Variants in LAMA1 observed in about 807,000 individuals in gnomAD.
LAMA1 encodes the protein laminin subunit alpha 1.
LAMA1 carries 219 observed loss-of-function variants against 348.7 expected under a neutral mutation model. The ratio of observed to expected loss-of-function variants is 0.63; its 90% CI spans 0.56 to 0.70. LAMA1 has a LOEUF of 0.70. Ranked by LOEUF, LAMA1 falls within the 30% of genes least tolerant of loss-of-function variation. The pLI is 0.00. For missense variants in LAMA1, 3,744 were observed against 3,888.0 expected (o/e 0.96, Z 0.99); for synonymous variants, 1,487 against 1,491.0 (o/e 1.00, Z 0.06).
intron 49 of LAMA1, 87 bp from the exon 50 acceptor site, chr18:6,965,519 TA>T (rs1333143706): frequency 6.7e-7 from 1 of 1,492,518 alleles, no homozygotes; most frequent in Non-Finnish European, 9.3e-7. Flanking sequence ...TGAAACCTTC[TA>T]AAGTCAAACT....
At chr18:7,091,566 TC>T in intron 1 of LAMA1, among the ~76,000 whole-genome samples, 1 of 152,336 alleles carries the variant, frequency 6.6e-6, no homozygotes, top group East Asian at 1.9e-4. Flanking sequence ...TTCTGCCACT[TC>T]TGCACTTGAT....
At position 7,038,415 on chromosome 18, in the gene LAMA1, G is replaced by A. The variant is rs1043301333; in HGVS notation, c.1563+395C>T. On this transcript the variant is annotated intron_variant, in intron 11 of 62. Coordinates refer to ENST00000389658, the MANE Select transcript of LAMA1 (RefSeq NM_005559.4). Reference sequence around the variant, plus strand: ...GCCGCTGTTCCCACCCTCGCCACTGGAGGGCCTCCTACTCCTTAGCGTCTT... The same window carrying A: ...GCCGCTGTTCCCACCCTCGCCACTGAAGGGCCTCCTACTCCTTAGCGTCTT... 3.9e-5 allele frequency among the ~76,000 whole-genome samples: 6 copies of A among 152,164 alleles called. No homozygotes were observed. The East Asian group carries it at 1.2e-3, about 30-fold the overall frequency.
intron 54 of LAMA1, among the ~76,000 whole-genome samples, chr18:6,959,126 G>A (rs1446745765): frequency 6.6e-6 from 1 of 152,182 alleles, no homozygotes; most frequent in African/African-American, 2.4e-5. Context: ...AAAGGGCAGA[G>A]CTAAAGTTGT....
chr18:6,953,532 C>G (rs1344335523), intron 57 of LAMA1, among the ~76,000 whole-genome samples: 1 of 152,138 alleles, frequency 6.6e-6, no homozygotes, highest in South Asian at 2.1e-4. Context: ...ACGTATCCCC[C>G]GAGGAGAAGG....
At chr18:7,043,117 A>G in intron 8 of LAMA1, 110 bp downstream of exon 8, 2 of 1,015,656 alleles carry the variant, frequency 2.0e-6, no homozygotes, top group Non-Finnish European at 3.1e-6. Context: ...TAACAAGGAT[A>G]TAAATGAAAT....
At position 6,950,868 on chromosome 18, in the gene LAMA1, C is replaced by T. The variant is rs573286330; in HGVS notation, c.8311G>A (p.Gly2771Ser). The change falls in exon 58 of 63, where the codon GGC (glycine) becomes AGC (serine). Residue 2771 changes from glycine to serine, a missense_variant. By Grantham distance (56) the Gly-to-Ser change is moderately conservative (BLOSUM62 0). This residue lies in a region of LAMA1 where 1,983 missense variants were observed against 1,934.3 expected (regional missense o/e 1.03). Transcript: ENST00000389658. Reference sequence around the variant, plus strand: ...AGGTCAAACATGAAGTGGAGGCGGCCCCCGTGCAGCTGGAGCACAGCGTAG... The same window carrying T: ...AGGTCAAACATGAAGTGGAGGCGGCTCCCGTGCAGCTGGAGCACAGCGTAG... ...ADYAVLQLHG[G>S]RLHFMFDLGK... 1 of 1,614,106 alleles carries T rather than the reference C, an allele frequency of 6.2e-7. No homozygotes were observed. The highest frequency in any genetic ancestry group is 1.3e-5 in the African/African-American group (1 of 75,012).
intron 57 of LAMA1, among the ~76,000 whole-genome samples, chr18:6,952,990 CATA>C (rs2143982299): frequency 1.1e-5 from 1 of 94,248 alleles, no homozygotes; most frequent in Non-Finnish European, 2.5e-5. Context: ...GGATCCACGC[CATA>C]GGAGCCATGT....
At chr18:6,980,321 C>A (rs1287760262) in intron 42 of LAMA1, among the ~76,000 whole-genome samples, 200 bp downstream of exon 42, 1 of 152,154 alleles carries the variant, frequency 6.6e-6, no homozygotes, top group Admixed American at 6.5e-5. Context: ...TAGCTTGATG[C>A]AAGTATTGTG....
At chr18:7,025,943 T>G in intron 17 of LAMA1, 36 bp downstream of exon 17, 1 of 1,589,776 alleles carries the variant, frequency 6.3e-7, no homozygotes. Context: ...ATCCTGGCCA[T>G]GCTGGCAGGA....
chr18:7,102,709 T>C (rs539574638), intron 1 of LAMA1, among the ~76,000 whole-genome samples: 3 of 152,310 alleles, frequency 2.0e-5, no homozygotes, highest in East Asian at 3.9e-4. Context: ...GCTTGACTCC[T>C]AGCACTGGGG....
chr18:6,947,863 A>G (rs2057529252), intron 60 of LAMA1, among the ~76,000 whole-genome samples: 1 of 152,124 alleles, frequency 6.6e-6, no homozygotes, highest in South Asian at 2.1e-4. Context: ...TGAAGGGAAA[A>G]GGGGAGAAGA....
intron 1 of LAMA1, among the ~76,000 whole-genome samples, chr18:7,093,849 C>A (rs1008012738): frequency 6.6e-6 from 1 of 151,036 alleles, no homozygotes; most frequent in African/African-American, 2.4e-5. Flanking sequence ...ATATCGGCTC[C>A]CCGCATCCTC....
At chr18:7,051,172 A>T (rs2058061149) in intron 3 of LAMA1, among the ~76,000 whole-genome samples, 1 of 152,198 alleles carries the variant, frequency 6.6e-6, no homozygotes. Flanking sequence ...AATGGATGGT[A>T]ACAATAGTGT....
At chr18:6,961,477 C>T (rs1041982185) in intron 53 of LAMA1, 109 bp downstream of exon 53, 3 of 1,337,488 alleles carry the variant, frequency 2.2e-6, no homozygotes, top group African/African-American at 2.9e-5. Flanking sequence ...CATCCATAAA[C>T]AACCAGGAAC....
chr18:6,951,993 G>A (rs1568004119), intron 57 of LAMA1, among the ~76,000 whole-genome samples: 2 of 152,174 alleles, frequency 1.3e-5, no homozygotes, highest in Non-Finnish European at 2.9e-5. Context: ...CAGAGATGTT[G>A]AGTGGCTGAG....
chr18:6,962,048 GT>G lies in LAMA1; in HGVS notation c.7348del (p.Thr2450ProfsTer28). The stretch of plus-strand genomic sequence containing the variant: ...GATGCAGCCCACAAAGCTTTTGGTG[GT>G]GACACCTCTCCTGTAGGGAAGGGCA... ...PRSRVVRRGV[T>X]TKSFVGCIKN... On this transcript the variant is annotated frameshift_variant, in exon 52 of 63. Transcript: ENST00000389658. LOFTEE classifies it high-confidence loss of function. 1 of 1,612,796 alleles carries G rather than the reference GT, an allele frequency of 6.2e-7. No individual in the cohort carries two copies. Among genetic ancestry groups the G allele is most frequent in the Non-Finnish European group, 8.5e-7 (1 of 1,178,782 alleles).
rs1427426754 is a variant in LAMA1, at chr18:7,016,648, T to G, written c.2832A>C (p.Ser944=). ...AGTTGCAGGGCCGGCAGCCATGGCC[T>G]GAGTCCAGCCCATAATAGCCATGCT... The part of the protein sequence containing the change: ...QCLHGYYGLD[S]GHGCRPCNCS... Residue 944 remains serine, a synonymous_variant, in exon 21 of 63, where the codon TCA becomes TCC. Coordinates refer to ENST00000389658, the MANE Select transcript of LAMA1 (RefSeq NM_005559.4). 6.2e-7 allele frequency: 1 copy of G among 1,613,550 alleles called. No homozygotes were observed. The highest frequency in any genetic ancestry group is 8.5e-7 in the Non-Finnish European group (1 of 1,179,878).
chr18:7,115,814 C>CAAAAAAAAAAAAAAAAAA (rs557585224), intron 1 of LAMA1, among the ~76,000 whole-genome samples: 11 of 94,816 alleles, frequency 1.2e-4, no homozygotes, highest in African/African-American at 3.2e-4. Flanking sequence ...ACTAAAAATA[C>CAAAAAAAAAAAAAAAAAA]AAAAAAAAAA....
intron 61 of LAMA1, among the ~76,000 whole-genome samples, chr18:6,945,251 A>G: frequency 6.6e-6 from 1 of 152,172 alleles, no homozygotes. Flanking sequence ...AAAAGTTTTT[A>G]AAGTATAGAT....
Sources: allele counts gnomAD v4.1 joint callset (sites outside exome capture counted in the v4.1 genomes callset), GRCh38; gene constraint gnomAD v4.1.1; regional missense constraint gnomAD v4.1.1; transcripts MANE v1.5; gene names NCBI Gene and HGNC (gene_info 2026-07-23, HGNC 2026-07-21).